Variants in UPF2 observed in about 807,000 individuals in gnomAD.
The protein encoded by UPF2 is regulator of nonsense transcripts 2.
A neutral mutation model predicts 141.4 loss-of-function variants in UPF2; 17 were observed. The observed-to-expected ratio is 0.12, with a 90% confidence interval of 0.08 to 0.18. The LOEUF is 0.18. Ranked by LOEUF, UPF2 falls within the 10% of genes least tolerant of loss-of-function variation. UPF2 has a pLI of 1.00. For missense variants in UPF2, 1,152 were observed against 1,515.9 expected, an observed-to-expected ratio of 0.76 and a Z score of 3.99; for synonymous variants, 540 against 498.0, an observed-to-expected ratio of 1.08 and a Z score of -1.12.
At chr10:12,021,710 T>C (rs998121879) in intron 3 of UPF2, among the ~76,000 whole-genome samples, 1 of 152,202 alleles carries the variant, frequency 6.6e-6, no homozygotes, top group Non-Finnish European at 1.5e-5. Context: ...TTTGCCCTTG[T>C]GCAGTCATAC....
intron 19 of UPF2, among the ~76,000 whole-genome samples, chr10:11,932,895 T>C (rs1211182098): frequency 6.6e-6 from 1 of 152,196 alleles, no homozygotes; most frequent in Non-Finnish European, 1.5e-5. Context: ...AAATATTAAT[T>C]GCAAAAATGG....
At chr10:12,003,402 G>T (rs1296658061) in intron 5 of UPF2, among the ~76,000 whole-genome samples, 1 of 152,212 alleles carries the variant, frequency 6.6e-6, no homozygotes, top group Non-Finnish European at 1.5e-5. Context: ...TATGGTGGGA[G>T]AGGGTTCCAA....
chr10:12,014,249 T>G lies in UPF2; in HGVS notation c.1146-65A>C. The G allele has an allele frequency of 3.1e-6, 4 of 1,286,840 alleles. No individual in the cohort carries two copies. Among genetic ancestry groups the G allele is most frequent in the Non-Finnish European group, 4.0e-6 (4 of 1,001,988 alleles). The allele number at this position is 1,286,840 out of a possible 1,614,324, so 79.7% of individuals were successfully genotyped here. A position where few individuals can be genotyped will look rare whatever the true frequency, so the allele number is the denominator to read the frequency against. ...AGATGTGATCACAAATTGTTATATATGGGAAACATTCCATAATTTGATTTT... is the reference window on the plus strand; with the variant it reads ...AGATGTGATCACAAATTGTTATATAGGGGAAACATTCCATAATTTGATTTT... On this transcript the variant is annotated intron_variant, in intron 3 of 21. Coordinates refer to ENST00000357604, the MANE Select transcript of UPF2 (RefSeq NM_015542.4). This position sits in a 1 kb window ranked among gnomAD's most constrained non-coding sequence, Gnocchi z 5.0.
chr10:12,024,263 G>T (rs1241849887), intron 3 of UPF2, among the ~76,000 whole-genome samples: 7 of 151,856 alleles, frequency 4.6e-5, no homozygotes, highest in African/African-American at 1.7e-4. Flanking sequence ...TTCGAGGCCA[G>T]CCTGGACAAC....
intron 4 of UPF2, among the ~76,000 whole-genome samples, chr10:12,005,197 CT>C (rs1181247559): frequency 4.0e-5 from 6 of 151,856 alleles, no homozygotes; most frequent in South Asian, 2.1e-4. Flanking sequence ...GACCATAAAC[CT>C]TTACTTAAGA....
chr10:11,999,965 T>C lies in UPF2; in HGVS notation c.1699A>G (p.Ile567Val). 1 of 1,613,192 alleles carries C rather than the reference T, an allele frequency of 6.2e-7. No individual in the cohort carries two copies. Among genetic ancestry groups the C allele is most frequent in the Admixed American group, 1.7e-5 (1 of 59,912 alleles). ...AACTGCTGTAGGAAAGCATCTACTATGAGCTTGAGATGAGATCCAGTGCTG... is the reference window on the plus strand; with the variant it reads ...AACTGCTGTAGGAAAGCATCTACTACGAGCTTGAGATGAGATCCAGTGCTG... ...EASTGSHLKL[I>V]VDAFLQQLPN... is the part of the protein sequence containing the mutation. Residue 567 changes from isoleucine (I) to valine (V), a missense_variant, in exon 7 of 22, where the codon ATA (isoleucine) becomes GTA (valine). By Grantham distance (29) the Ile-to-Val change is conservative. This residue lies in a region of UPF2 where 739 missense variants were observed against 1,032.2 expected (regional missense o/e 0.72). Coordinates refer to ENST00000357604, the MANE Select transcript of UPF2 (RefSeq NM_015542.4).
chr10:11,979,849 G>A lies in UPF2; in HGVS notation c.1845-684C>T, dbSNP rs926014629. Among the ~76,000 whole-genome samples, 2 of 152,142 alleles carry A rather than the reference G, an allele frequency of 1.3e-5. No individual in the cohort carries two copies. Among genetic ancestry groups the A allele is most frequent in the Non-Finnish European group, 2.9e-5 (2 of 68,032 alleles). On this transcript the variant is annotated intron_variant, in intron 8 of 21. Coordinates refer to ENST00000357604, the MANE Select transcript of UPF2 (RefSeq NM_015542.4). This position sits in a 1 kb window ranked among gnomAD's most constrained non-coding sequence, Gnocchi z 6.2. Reference sequence around the variant, plus strand: ...GAACCCAGGAGGTAGAAGTTGCAGTGAGCCCAGATCACGCCACTGCACTCC... The same window carrying A: ...GAACCCAGGAGGTAGAAGTTGCAGTAAGCCCAGATCACGCCACTGCACTCC...
chr10:12,012,467 A>ATGAAACTTTTT (rs948189660), intron 4 of UPF2, among the ~76,000 whole-genome samples: 1 of 152,196 alleles, frequency 6.6e-6, no homozygotes, highest in Non-Finnish European at 1.5e-5. Flanking sequence ...AAATTCTATG[A>ATGAAACTTTTT]TGAAACTTTT....
At chr10:11,962,703 C>A (rs1833259251) in intron 11 of UPF2, among the ~76,000 whole-genome samples, 1 of 152,264 alleles carries the variant, frequency 6.6e-6, no homozygotes, top group South Asian at 2.1e-4. Context: ...AATCCTTCAA[C>A]AATTATTCAC....
intron 8 of UPF2, among the ~76,000 whole-genome samples, chr10:11,996,662 G>A (rs989393443): frequency 3.9e-5 from 6 of 152,218 alleles, no homozygotes; most frequent in Non-Finnish European, 5.9e-5. Context: ...GTAATTTTAC[G>A]TTATAAAAAT....
intron 2 of UPF2, 130 bp from the exon 3 acceptor site, chr10:12,029,654 T>G: frequency 1.4e-5 from 14 of 1,001,688 alleles, no homozygotes; most frequent in Admixed American, 3.2e-5. Context: ...CAAAAGGCCT[T>G]TCACTACTTT....
chr10:11,970,956 G>A (rs1399240577), intron 9 of UPF2, among the ~76,000 whole-genome samples: 1 of 151,862 alleles, frequency 6.6e-6, no homozygotes, highest in Non-Finnish European at 1.5e-5. Context: ...CATCTGCTAT[G>A]GAGTATCACA....
chr10:11,977,770 C>T (rs1833530334), intron 9 of UPF2, among the ~76,000 whole-genome samples: 1 of 152,144 alleles, frequency 6.6e-6, no homozygotes. Flanking sequence ...TATTCATGCC[C>T]CTCCAGGAGA....
chr10:11,974,344 C>G (rs1284932757), intron 9 of UPF2, among the ~76,000 whole-genome samples: 1 of 152,128 alleles, frequency 6.6e-6, no homozygotes, highest in Non-Finnish European at 1.5e-5. Flanking sequence ...TTGACTTCCT[C>G]TTTTTCTAAT....
chr10:12,039,324 T>C (rs971137240), intron 1 of UPF2, among the ~76,000 whole-genome samples: 1 of 152,140 alleles, frequency 6.6e-6, no homozygotes, highest in Non-Finnish European at 1.5e-5. Context: ...TGCTGGTAAA[T>C]ACTGACTATA....
rs1318194044 is a variant in UPF2 at position 11,921,373 on chromosome 10, G to A, written c.3810-66C>T. The A allele has an allele frequency of 3.6e-5, 58 of 1,600,172 alleles. No homozygotes were observed. The highest frequency in any genetic ancestry group is 4.5e-5 in the Non-Finnish European group (53 of 1,168,380). Reference sequence around the variant, plus strand: ...ACAGGACAAAGTCCAGCAAGATGGCGTCTGCAACGCTACCCACCACCACCA... The same window carrying A: ...ACAGGACAAAGTCCAGCAAGATGGCATCTGCAACGCTACCCACCACCACCA... On this transcript the variant is annotated intron_variant, in intron 21 of 21. Transcript: ENST00000357604. This position sits in a 1 kb window ranked among gnomAD's most constrained non-coding sequence, Gnocchi z 5.9.
chr10:11,983,457 C>G (rs1388812642), intron 8 of UPF2, among the ~76,000 whole-genome samples: 1 of 152,112 alleles, frequency 6.6e-6, no homozygotes, highest in African/African-American at 2.4e-5. Flanking sequence ...ACTGCAAGTT[C>G]CGCCTCCTGG....
chr10:12,006,793 G>A (rs1028359808), intron 4 of UPF2, among the ~76,000 whole-genome samples: 2 of 152,210 alleles, frequency 1.3e-5, no homozygotes, highest in African/African-American at 4.8e-5. Flanking sequence ...CTGAGTGAAA[G>A]GAATGTATTT....
intron 7 of UPF2, 22 bp from the exon 8 acceptor site, chr10:11,997,779 T>C: frequency 1.2e-6 from 2 of 1,610,590 alleles, no homozygotes; most frequent in South Asian, 1.1e-5. Context: ...AAGTAAACTT[T>C]TTCTTTAAAA....
Sources: gnomAD v4.1 joint callset for allele counts (sites outside exome capture counted in the v4.1 genomes callset) on GRCh38, gnomAD v4.1.1 for gene constraint, gnomAD v4.1.1 regional missense constraint, Gnocchi (gnomAD v3.1) non-coding constraint, MANE v1.5 for transcripts, NCBI Gene and HGNC (gene_info 2026-07-23, HGNC 2026-07-21) for gene names.